The following RGS7 variants were observed in gnomAD, a reference collection of about 807,000 sequenced individuals.
RGS7 encodes regulator of G protein signaling 7, also known as regulator of G-protein signaling 7.
A neutral mutation model predicts 81.1 loss-of-function variants in RGS7; 27 were observed. The observed-to-expected ratio is 0.33, with a 90% CI of 0.25 to 0.46. The LOEUF is 0.46. RGS7 is among the 20% of genes least tolerant of loss of function. RGS7 has a pLI of 1.00. For missense variants in RGS7, 396 were observed against 607.4 expected, an observed-to-expected ratio of 0.65 and a Z score of 3.66; for synonymous variants, 208 against 207.7, an observed-to-expected ratio of 1.00 and a Z score of -0.01.
intron 2 of RGS7, among the ~76,000 whole-genome samples, chr1:241,274,964 T>C (rs2078116010): frequency 6.6e-6 from 1 of 152,208 alleles, no homozygotes; most frequent in Non-Finnish European, 1.5e-5. Flanking sequence ...TCAAATTAAC[T>C]TTGGTAGAGT....
At chr1:241,189,082 C>T (rs2103355157) in intron 2 of RGS7, among the ~76,000 whole-genome samples, 1 of 152,230 alleles carries the variant, frequency 6.6e-6, no homozygotes, top group Non-Finnish European at 1.5e-5. Flanking sequence ...TCAAGCGATC[C>T]TCCCACCTCA....
At chr1:240,899,270 T>C (rs550330533) in intron 6 of RGS7, among the ~76,000 whole-genome samples, 1 of 152,310 alleles carries the variant, frequency 6.6e-6, no homozygotes, top group African/African-American at 2.4e-5. Flanking sequence ...AATTGAAGCA[T>C]TTAGCCCATT....
At chr1:240,794,604 G>A (rs144272164) in intron 18 of RGS7, among the ~76,000 whole-genome samples, 166 of 152,286 alleles carry the variant, frequency 1.1e-3, no homozygotes, top group Middle Eastern at 3.4e-3. Flanking sequence ...AGTCCAGAGT[G>A]TTCAGCCAGG....
chr1:240,832,126 C>A lies in RGS7; in HGVS notation c.610-4954G>T, dbSNP rs1342887960. On this transcript the variant is annotated intron_variant, in intron 9 of 18. Coordinates refer to ENST00000440928, the MANE Select transcript of RGS7 (RefSeq NM_001364886.1). ...GTACCACTAGCTGGCACCAGACCTT[C>A]GTGAAATTCGTAAAATTGGTTTCTG... is the stretch of plus-strand genomic sequence containing the variant. Among the ~76,000 whole-genome samples, 5 of 152,290 alleles carry A rather than the reference C, an allele frequency of 3.3e-5. No individual in the cohort carries two copies. The East Asian group carries it at 9.7e-4, about 29-fold the overall frequency.
chr1:240,812,273 G>A lies in RGS7; in HGVS notation c.957-230C>T, dbSNP rs2103099672. On this transcript the variant is annotated intron_variant, in intron 13 of 18. Coordinates refer to ENST00000440928, the MANE Select transcript of RGS7 (RefSeq NM_001364886.1). Reference sequence around the variant, plus strand: ...TATGTGCCAGGCACTTTACATAAATGGTCTCTTTTTGTTTTTGCCAACCAC... The same window carrying A: ...TATGTGCCAGGCACTTTACATAAATAGTCTCTTTTTGTTTTTGCCAACCAC... 1.3e-5 allele frequency among the ~76,000 whole-genome samples: 2 copies of A among 151,868 alleles called. 1 individual carries two copies. The highest frequency in any genetic ancestry group is 4.2e-4 in the South Asian group (2 of 4,802).
chr1:240,841,484 C>T (rs558990512), intron 9 of RGS7, among the ~76,000 whole-genome samples: 1 of 152,232 alleles, frequency 6.6e-6, no homozygotes, highest in African/African-American at 2.4e-5. Flanking sequence ...AGATTAAAAC[C>T]CCATATGAGA....
intron 6 of RGS7, among the ~76,000 whole-genome samples, chr1:240,904,152 A>G (rs373213791): frequency 1.3e-5 from 2 of 152,210 alleles, no homozygotes; most frequent in African/African-American, 4.8e-5. Context: ...AAGACACAAC[A>G]TAAGTCATTC....
intron 2 of RGS7, among the ~76,000 whole-genome samples, chr1:241,311,625 G>A (rs1016867277): frequency 2.6e-5 from 4 of 152,092 alleles, no homozygotes; most frequent in East Asian, 1.9e-4. Context: ...AGAAATGGGC[G>A]TTTTATATAT....
intron 2 of RGS7, among the ~76,000 whole-genome samples, chr1:241,327,287 T>C (rs1035085835): frequency 1.3e-5 from 2 of 152,060 alleles, no homozygotes; most frequent in Non-Finnish European, 2.9e-5. Flanking sequence ...AACCTCCTGG[T>C]GTTTAAGGAC....
chr1:240,853,763 G>A (rs1660543706), intron 9 of RGS7, among the ~76,000 whole-genome samples: 1 of 151,660 alleles, frequency 6.6e-6, no homozygotes. Flanking sequence ...TTAGCCGGGC[G>A]TGGTGCGGGC....
intron 2 of RGS7, among the ~76,000 whole-genome samples, chr1:241,133,867 G>T (rs1351959491): frequency 1.3e-5 from 2 of 152,198 alleles, no homozygotes; most frequent in Non-Finnish European, 2.9e-5. Context: ...CTATGTGAAA[G>T]AATTCAAAAA....
intron 2 of RGS7, among the ~76,000 whole-genome samples, chr1:241,171,840 G>GA (rs1290873214): frequency 6.6e-6 from 1 of 152,040 alleles, no homozygotes; most frequent in South Asian, 2.1e-4. Context: ...TTCAGCAGGT[G>GA]AAAAAACAAA....
chr1:240,806,194 G>T lies in RGS7; in HGVS notation c.1215C>A (p.Asp405Glu). 1 of 1,614,040 alleles carries T rather than the reference G, an allele frequency of 6.2e-7. No homozygotes were observed. The highest frequency in any genetic ancestry group is 8.5e-7 in the Non-Finnish European group (1 of 1,179,970). The change falls in exon 15 of 19, where the codon GAC becomes GAA. Residue 405 changes from aspartate to glutamate, a missense_variant. By Grantham distance (45) the Asp-to-Glu change is conservative. Transcript: ENST00000440928. Reference protein sequence around the residue: ...SAINLDSKSYDKTTQNVKEPG... With the variant: ...SAINLDSKSYEKTTQNVKEPG... ...GTTCCTTCACGTTCTGTGTGGTTTT[G>T]TCATAACTCTTGGAATCCAAGTTAA...
In RGS7 at chr1:240,984,224, GAGCAGAAGAAT is replaced by G. The variant is rs141781895; in HGVS notation, c.176-1106_176-1096del. Among the ~76,000 whole-genome samples the G allele has an allele frequency of 8.4e-3, 1,279 of 152,244 alleles. 15 individuals are homozygous for G. Among genetic ancestry groups the G allele is most frequent in the African/African-American group, 0.03 (1,227 of 41,546 alleles). ...AGAGAAAGAGACATGCAATATTTTTGAGCAGAAGAATGACATTATCAAAGTAAGTTTGAGGA... is the reference window on the plus strand; with the variant it reads ...AGAGAAAGAGACATGCAATATTTTTGGACATTATCAAAGTAAGTTTGAGGA... On this transcript the variant is annotated intron_variant, in intron 3 of 18. Coordinates refer to ENST00000440928, the MANE Select transcript of RGS7 (RefSeq NM_001364886.1).
At chr1:241,319,788 T>G (rs2148599417) in intron 2 of RGS7, among the ~76,000 whole-genome samples, 1 of 152,288 alleles carries the variant, frequency 6.6e-6, no homozygotes, top group South Asian at 2.1e-4. Flanking sequence ...TATAATTTAA[T>G]TTTTGTTTTT....
chr1:241,157,032 A>C (rs1021116638), intron 2 of RGS7, among the ~76,000 whole-genome samples: 2 of 152,150 alleles, frequency 1.3e-5, no homozygotes, highest in Non-Finnish European at 2.9e-5. Flanking sequence ...GTGAGTGTAC[A>C]TATATGTTTT....
intron 3 of RGS7, among the ~76,000 whole-genome samples, chr1:241,036,262 A>G (rs1248176908): frequency 6.6e-6 from 1 of 152,228 alleles, no homozygotes; most frequent in Non-Finnish European, 1.5e-5. Flanking sequence ...CATAAACCTT[A>G]TGTCAGTTGT....
chr1:240,981,141 G>A (rs1030629671), intron 4 of RGS7, among the ~76,000 whole-genome samples: 17 of 152,026 alleles, frequency 1.1e-4, no homozygotes, highest in African/African-American at 3.6e-4. Context: ...ACAGAGTCAC[G>A]CTCTGTCACC....
intron 2 of RGS7, among the ~76,000 whole-genome samples, chr1:241,340,075 T>C (rs1477434288): frequency 1.3e-5 from 2 of 152,176 alleles, no homozygotes; most frequent in African/African-American, 4.8e-5. Flanking sequence ...TGAGGAGAGT[T>C]AGAACCTATT....
Sources: gnomAD v4.1 joint callset for allele counts (sites outside exome capture counted in the v4.1 genomes callset) on GRCh38, gnomAD v4.1.1 for gene constraint, MANE v1.5 for transcripts, NCBI Gene and HGNC (gene_info 2026-07-23, HGNC 2026-07-21) for gene names.